The following DPY19L2 variants were observed in gnomAD, a reference collection of about 807,000 sequenced individuals.
The protein encoded by DPY19L2 is dpy-19 like 2.
In DPY19L2, 34 loss-of-function variants were observed where a neutral mutation model predicts 97.9. The ratio of observed to expected loss-of-function variants is 0.35; its 90% confidence interval spans 0.26 to 0.46. The LOEUF (loss-of-function observed/expected upper bound fraction) is 0.46. DPY19L2 is among the 20% of genes least tolerant of loss of function. DPY19L2 has a pLI of 1.00. For missense variants in DPY19L2, 623 were observed against 911.4 expected (o/e 0.68, Z 4.07); for synonymous variants, 230 against 307.9 (o/e 0.75, Z 2.65).
intron 6 of DPY19L2, among the ~76,000 whole-genome samples, chr12:63,631,372 T>C (rs1890604665): frequency 6.6e-6 from 1 of 151,926 alleles, no homozygotes; most frequent in African/African-American, 2.4e-5. Flanking sequence ...TAAAAAATGA[T>C]AAAGGGGATA....
chr12:63,642,710 T>C, intron 6 of DPY19L2, among the ~76,000 whole-genome samples: 1 of 151,914 alleles, frequency 6.6e-6, no homozygotes, highest in South Asian at 2.1e-4. Flanking sequence ...ATTAGCTTCA[T>C]AATACAGCAA....
At chr12:63,590,251 A>T (rs947722397) in intron 16 of DPY19L2, among the ~76,000 whole-genome samples, 2 of 152,198 alleles carry the variant, frequency 1.3e-5, no homozygotes, top group Non-Finnish European at 2.9e-5. Context: ...CAATAAAATG[A>T]ATTGTTTTTA....
chr12:63,589,871 G>A (rs1012084350), intron 16 of DPY19L2, among the ~76,000 whole-genome samples: 1 of 152,160 alleles, frequency 6.6e-6, no homozygotes, highest in Non-Finnish European at 1.5e-5. Context: ...GCTCATGCCT[G>A]CAATCCCAGC....
Position 63,594,074 on chromosome 12 carries a change from A to C in DPY19L2, c.1580+13T>G, listed in dbSNP as rs777351515. ...AATACTGTATGTTTTAAAAACAATGATGATATAATTACCTTAGATAAATGT... is the reference window on the plus strand; with the variant it reads ...AATACTGTATGTTTTAAAAACAATGCTGATATAATTACCTTAGATAAATGT... On this transcript the variant is annotated intron_variant, in intron 16 of 21. Coordinates refer to ENST00000324472, the MANE Select transcript of DPY19L2 (RefSeq NM_173812.5). The C allele has an allele frequency of 2.0e-6, 3 of 1,481,342 alleles. No individual in the cohort carries two copies. The highest frequency in any genetic ancestry group is 2.8e-6 in the Non-Finnish European group (3 of 1,080,988). 91.8% of individuals were successfully genotyped at this position (1,481,342 alleles called of 1,614,324 possible).
chr12:63,572,343 A>G (rs952991818), intron 19 of DPY19L2, among the ~76,000 whole-genome samples: 10 of 152,052 alleles, frequency 6.6e-5, no homozygotes, highest in African/African-American at 2.2e-4. Context: ...CTGCCTGGGG[A>G]AAGGGGAAGG....
In DPY19L2 at chr12:63,603,450, T is replaced by C. The variant is rs928919442; in HGVS notation, c.1279-3064A>G. On this transcript the variant is annotated intron_variant, in intron 12 of 21. Transcript: ENST00000324472. ...GTAAACATGTGCCATGGTGGTTTCC[T>C]GCACCTATCAACCCATTACCTAGGT... is the stretch of plus-strand genomic sequence containing the variant. Among the ~76,000 whole-genome samples, 4 of 152,284 alleles carry C rather than the reference T, an allele frequency of 2.6e-5. 1 individual carries two copies. The highest frequency in any genetic ancestry group is 2.0e-4 in the Admixed American group (3 of 15,292).
At chr12:63,610,925 T>C (rs949695599) in intron 11 of DPY19L2, among the ~76,000 whole-genome samples, 2 of 70,592 alleles carry the variant, frequency 2.8e-5, no homozygotes, top group African/African-American at 9.9e-5. Context: ...AGGACTTGAA[T>C]AAACATTTCC....
chr12:63,585,004 G>C (rs566687766), intron 16 of DPY19L2, among the ~76,000 whole-genome samples: 43 of 152,232 alleles, frequency 2.8e-4, no homozygotes, highest in Middle Eastern at 3.4e-3. Context: ...TCTGTGGGTG[G>C]AAGACGTGAA....
chr12:63,609,125 T>C (rs1175165013), intron 11 of DPY19L2, among the ~76,000 whole-genome samples: 6 of 152,098 alleles, frequency 3.9e-5, no homozygotes, highest in Non-Finnish European at 7.4e-5. Flanking sequence ...TCTCCGATGC[T>C]AGAAAAAATA....
At chr12:63,627,887 T>C (rs1036495163) in intron 6 of DPY19L2, among the ~76,000 whole-genome samples, 1 of 152,050 alleles carries the variant, frequency 6.6e-6, no homozygotes, top group African/African-American at 2.4e-5. Context: ...GTTGAATTAA[T>C]GAAGAAAGGA....
At chr12:63,656,704 G>C (rs996926839) in intron 4 of DPY19L2, among the ~76,000 whole-genome samples, 2 of 152,076 alleles carry the variant, frequency 1.3e-5, no homozygotes, top group Non-Finnish European at 2.9e-5. Context: ...TTGATATGGT[G>C]TCACAGCTCT....
rs534326975 is a variant in DPY19L2 at position 63,627,394 on chromosome 12, G to C, written c.804-868C>G. ...AGACAGAGTCTTGCTCTGTCACCCA[G>C]GCTGGAGTGCAGTGGCGCGATCTCG... On this transcript the variant is annotated intron_variant, in intron 6 of 21. Transcript: ENST00000324472. Among the ~76,000 whole-genome samples the C allele has an allele frequency of 3.7e-3, 562 of 152,238 alleles. 7 individuals are homozygous for C. The highest frequency in any genetic ancestry group is 0.013 in the African/African-American group (551 of 41,538).
chr12:63,594,023 T>C (rs1276398161), intron 16 of DPY19L2, 64 bp downstream of exon 16: 1 of 1,168,076 alleles, frequency 8.6e-7, no homozygotes, highest in Non-Finnish European at 1.2e-6. Flanking sequence ...GAAAAATTAA[T>C]GTTACAGTAA....
intron 9 of DPY19L2, among the ~76,000 whole-genome samples, chr12:63,619,184 T>C (rs1418051270): frequency 6.6e-6 from 1 of 152,040 alleles, no homozygotes; most frequent in Non-Finnish European, 1.5e-5. Context: ...CTCACGCCTA[T>C]AATCCCAGCA....
intron 6 of DPY19L2, among the ~76,000 whole-genome samples, chr12:63,634,220 TAATC>T (rs1487610832): frequency 6.6e-6 from 1 of 152,042 alleles, no homozygotes; most frequent in Non-Finnish European, 1.5e-5. Flanking sequence ...TAATTAAAAA[TAATC>T]AAAGTAAGAT....
At chr12:63,612,292 C>G (rs1887138253) in intron 11 of DPY19L2, among the ~76,000 whole-genome samples, 1 of 151,958 alleles carries the variant, frequency 6.6e-6, no homozygotes, top group African/African-American at 2.4e-5. Flanking sequence ...GTAGGTCAAT[C>G]TGGCTGTACA....
intron 4 of DPY19L2, among the ~76,000 whole-genome samples, chr12:63,649,602 T>C (rs1156952611): frequency 6.6e-6 from 1 of 151,880 alleles, no homozygotes; most frequent in Non-Finnish European, 1.5e-5. Context: ...TTCCTGGAAA[T>C]ATATAACCTC....
chr12:63,654,801 G>A (rs1227170177), intron 4 of DPY19L2, among the ~76,000 whole-genome samples: 1 of 152,124 alleles, frequency 6.6e-6, no homozygotes, highest in African/African-American at 2.4e-5. Context: ...AATCCTAAAT[G>A]CATATGTGCC....
At chr12:63,585,365 A>G (rs1881616787) in intron 16 of DPY19L2, among the ~76,000 whole-genome samples, 1 of 152,130 alleles carries the variant, frequency 6.6e-6, no homozygotes, top group South Asian at 2.1e-4. Flanking sequence ...AAGTCAGGGG[A>G]AGGTCTCTTA....
Sources: allele counts gnomAD v4.1 joint callset (sites outside exome capture counted in the v4.1 genomes callset), GRCh38; gene constraint gnomAD v4.1.1; transcripts MANE v1.5; gene names NCBI Gene and HGNC (gene_info 2026-07-23, HGNC 2026-07-21).